Variants in CTNNA2 observed in about 807,000 individuals in gnomAD.
The protein encoded by CTNNA2 is catenin alpha 2, also known as catenin alpha-2.
Under a neutral mutation model 101.0 loss-of-function variants are expected in CTNNA2, and 42 were observed. That is an observed-to-expected ratio of 0.42 (90% confidence interval 0.32 to 0.54). The LOEUF (loss-of-function observed/expected upper bound fraction) is 0.54. CTNNA2 is among the 20% of genes least tolerant of loss of function. CTNNA2 has a pLI of 0.14. For missense variants in CTNNA2, 871 were observed against 1,223.1 expected (o/e 0.71, Z 4.29); for synonymous variants, 450 against 456.4 (o/e 0.99, Z 0.18).
At chr2:79,629,591 G>A (rs963141111) in intron 1 of CTNNA2, among the ~76,000 whole-genome samples, 3 of 152,218 alleles carry the variant, frequency 2.0e-5, no homozygotes, top group East Asian at 3.9e-4. Context: ...AGACAGGTTG[G>A]GGGGTCAGAT....
chr2:80,011,331 C>T (rs565052135), intron 7 of CTNNA2, among the ~76,000 whole-genome samples: 5 of 152,240 alleles, frequency 3.3e-5, no homozygotes, highest in South Asian at 2.1e-4. Flanking sequence ...GCAGAATCTA[C>T]GTATATAGAA....
chr2:79,999,828 C>T (rs573157394), intron 7 of CTNNA2, among the ~76,000 whole-genome samples: 69 of 152,262 alleles, frequency 4.5e-4, no homozygotes, highest in African/African-American at 1.6e-3. Flanking sequence ...TCTGCAATTT[C>T]TCATTTAAGT....
At chr2:79,461,285 T>C (rs1670875132) in intron 4 of CTNNA2, among the ~76,000 whole-genome samples, 1 of 152,198 alleles carries the variant, frequency 6.6e-6, no homozygotes, top group Non-Finnish European at 1.5e-5. Flanking sequence ...ACTCCAATTT[T>C]GAAAAATAAA....
chr2:80,160,474 T>C (rs1704245420), intron 7 of CTNNA2, among the ~76,000 whole-genome samples: 1 of 152,188 alleles, frequency 6.6e-6, no homozygotes, highest in Non-Finnish European at 1.5e-5. Context: ...TTTATCATCA[T>C]TGCATAGTTT....
At chr2:80,420,688 C>T (rs1312080692) in intron 9 of CTNNA2, among the ~76,000 whole-genome samples, 1 of 152,022 alleles carries the variant, frequency 6.6e-6, no homozygotes, top group Non-Finnish European at 1.5e-5. Flanking sequence ...ATGCTAAGCA[C>T]CTGCTTAGTT....
chr2:80,306,528 C>A (rs568490495), intron 7 of CTNNA2, among the ~76,000 whole-genome samples: 1 of 151,706 alleles, frequency 6.6e-6, no homozygotes, highest in South Asian at 2.1e-4. Flanking sequence ...GCCTACCTAA[C>A]TCTGGATCAG....
chr2:79,273,238 A>G (rs760611862), intron 2 of CTNNA2, among the ~76,000 whole-genome samples: 9 of 152,112 alleles, frequency 5.9e-5, no homozygotes, highest in Non-Finnish European at 1.2e-4. Context: ...AGGGCAACCT[A>G]TCAGATAGGC....
chr2:80,238,277 G>A lies in CTNNA2; in HGVS notation c.1057-154934G>A, dbSNP rs144881784. ...GCAGGCAAGGAGGGGCTGACAGCAC[G>A]TTGTGCAGTCGAGTTCATGTAGCCA... On this transcript the variant is annotated intron_variant, in intron 7 of 18. Transcript: ENST00000402739. Among the ~76,000 whole-genome samples the A allele has an allele frequency of 4.5e-4, 68 of 152,254 alleles. 1 individual carries two copies. Among genetic ancestry groups the A allele is most frequent in the African/African-American group, 1.5e-3 (63 of 41,566 alleles).
rs763178273 is a variant in CTNNA2, at chr2:80,303,645, C to G, written c.1057-89566C>G. The G allele has an allele frequency of 5.0e-6, 8 of 1,613,378 alleles. No individual in the cohort carries two copies. The highest frequency in any genetic ancestry group is 2.2e-5 in the South Asian group (2 of 91,030). On this transcript the variant is annotated intron_variant, in intron 7 of 18. Transcript: ENST00000402739. This position sits in a 1 kb window ranked among gnomAD's most constrained non-coding sequence, Gnocchi z 7.7. ...AGGCCGGACAGGTTGTGGGGCGCCTCGGTGAGGTTGAGCGCCTCGCAGTAC... is the reference window on the plus strand; with the variant it reads ...AGGCCGGACAGGTTGTGGGGCGCCTGGGTGAGGTTGAGCGCCTCGCAGTAC...
intron 1 of CTNNA2, among the ~76,000 whole-genome samples, chr2:79,630,754 C>T (rs1219609026): frequency 1.3e-5 from 2 of 152,084 alleles, no homozygotes; most frequent in Non-Finnish European, 2.9e-5. Context: ...ACCTTGATTG[C>T]GATGGTGACG....
chr2:80,025,028 G>A (rs1694846273), intron 7 of CTNNA2, among the ~76,000 whole-genome samples: 1 of 152,162 alleles, frequency 6.6e-6, no homozygotes, highest in South Asian at 2.1e-4. Context: ...ACCATCCCCG[G>A]CCAAGCTCTT....
chr2:79,757,617 G>A (rs1388839208), intron 3 of CTNNA2, among the ~76,000 whole-genome samples: 2 of 152,194 alleles, frequency 1.3e-5, no homozygotes, highest in Non-Finnish European at 2.9e-5. Context: ...GAAGAGTCAG[G>A]GAAGTGACTA....
chr2:79,696,460 A>G (rs1471929375), intron 2 of CTNNA2, among the ~76,000 whole-genome samples: 2 of 152,018 alleles, frequency 1.3e-5, no homozygotes, highest in Non-Finnish European at 2.9e-5. Context: ...TTTTAAGTCT[A>G]TGAGAAGCAG....
intron 1 of CTNNA2, among the ~76,000 whole-genome samples, chr2:79,632,580 A>T (rs1679763512): frequency 6.6e-6 from 1 of 152,236 alleles, no homozygotes; most frequent in South Asian, 2.1e-4. Flanking sequence ...CACGTGGCCC[A>T]AGGCCCAAGT....
intron 7 of CTNNA2, among the ~76,000 whole-genome samples, chr2:80,129,476 A>T (rs772725183): frequency 7.9e-5 from 12 of 152,090 alleles, no homozygotes; most frequent in Non-Finnish European, 1.6e-4. Context: ...CCTATCCTGC[A>T]CTTCTCAGCC....
chr2:80,235,959 C>CCCACCCT (rs1709530418), intron 7 of CTNNA2, among the ~76,000 whole-genome samples: 1 of 152,150 alleles, frequency 6.6e-6, no homozygotes, highest in Non-Finnish European at 1.5e-5. Context: ...TCTCCCTTTT[C>CCCACCCT]CCACCCTCCA....
chr2:79,678,522 C>A, intron 2 of CTNNA2, among the ~76,000 whole-genome samples: 1 of 148,514 alleles, frequency 6.7e-6, no homozygotes, highest in Admixed American at 6.7e-5. Flanking sequence ...GTGACAGAGC[C>A]ACACCCTGTC....
intron 9 of CTNNA2, among the ~76,000 whole-genome samples, chr2:80,525,691 G>A (rs1276878008): frequency 6.6e-6 from 1 of 152,088 alleles, no homozygotes; most frequent in Admixed American, 6.5e-5. Context: ...TTCTGGAGGG[G>A]CCTTGATCAC....
chr2:79,988,460 A>ATG (rs1226080495), intron 7 of CTNNA2, among the ~76,000 whole-genome samples: 2 of 89,276 alleles, frequency 2.2e-5, no homozygotes, highest in Admixed American at 1.1e-4. Context: ...TATGAAGTGT[A>ATG]TGTGTATGTG....
Sources: allele counts gnomAD v4.1 joint callset (sites outside exome capture counted in the v4.1 genomes callset), GRCh38; gene constraint gnomAD v4.1.1; non-coding constraint Gnocchi (gnomAD v3.1); transcripts MANE v1.5; gene names NCBI Gene and HGNC (gene_info 2026-07-23, HGNC 2026-07-21).